Variants in PHF3 observed in about 807,000 individuals in gnomAD.
PHF3 encodes PHD finger protein 3.
PHF3 carries 41 observed loss-of-function variants against 178.4 expected under a neutral mutation model. The ratio of observed to expected loss-of-function variants is 0.23; its 90% CI spans 0.18 to 0.30. The LOEUF (loss-of-function observed/expected upper bound fraction) is 0.30. Ranked by LOEUF, PHF3 falls within the 10% of genes least tolerant of loss-of-function variation. The pLI is 1.00. For missense variants in PHF3, 2,346 were observed against 2,398.1 expected (o/e 0.98, Z 0.45); for synonymous variants, 842 against 800.5 (o/e 1.05, Z -0.88).
intron 2 of PHF3, among the ~76,000 whole-genome samples, chr6:63,650,933 C>T (rs1033715054): frequency 2.0e-5 from 3 of 151,910 alleles, no homozygotes; most frequent in Non-Finnish European, 4.4e-5. Context: ...GTTGGTGGGG[C>T]TATTTGTGCA....
chr6:63,687,684 T>A (rs2149587035), intron 4 of PHF3, among the ~76,000 whole-genome samples: 1 of 152,320 alleles, frequency 6.6e-6, no homozygotes, highest in South Asian at 2.1e-4. Context: ...GTAGATAAAG[T>A]TCCAGTCCAG....
intron 8 of PHF3, among the ~76,000 whole-genome samples, chr6:63,699,297 T>G (rs1767371195): frequency 6.6e-6 from 1 of 152,210 alleles, no homozygotes; most frequent in Admixed American, 6.5e-5. Flanking sequence ...ATGACTGATC[T>G]CTTGTGTGTG....
At chr6:63,708,508 TTAA>T (rs1295718391) in intron 13 of PHF3, among the ~76,000 whole-genome samples, 2 of 152,198 alleles carry the variant, frequency 1.3e-5, no homozygotes, top group African/African-American at 4.8e-5. Flanking sequence ...TTTAAAGTAG[TTAA>T]TAATTTAAAT....
intron 2 of PHF3, among the ~76,000 whole-genome samples, chr6:63,673,397 C>T (rs1766007821): frequency 6.6e-6 from 1 of 152,054 alleles, no homozygotes; most frequent in South Asian, 2.1e-4. Flanking sequence ...TAAACCCCAA[C>T]TCAGGATAAC....
Position 63,680,099 on chromosome 6 carries a change from G to A in PHF3, c.344G>A (p.Arg115Lys). The A allele has an allele frequency of 6.2e-7, 1 of 1,612,410 alleles. No homozygotes were observed. The highest frequency in any genetic ancestry group is 1.1e-5 in the South Asian group (1 of 90,772). The change falls in exon 3 of 16, where the codon AGG becomes AAG. Residue 115 changes from arginine to lysine, a missense_variant. Physicochemically the swap from Arg to Lys is conservative, Grantham distance 26. Transcript: ENST00000262043. ...CTGATTTTACCTAACAGGAACTTAA[G>A]GGACAAGGTAGAAGAAAATTCAGTG... ...EELILPNRNL[R>K]DKVEENSVRS...
At chr6:63,657,028 T>C (rs1582018441) in intron 2 of PHF3, among the ~76,000 whole-genome samples, 1 of 152,302 alleles carries the variant, frequency 6.6e-6, no homozygotes, top group Non-Finnish European at 1.5e-5. Context: ...CCTTTTCAAT[T>C]TGGAGTGTGT....
chr6:63,705,907 G>A (rs543590341), intron 11 of PHF3, 122 bp from the exon 12 acceptor site: 12 of 693,122 alleles, frequency 1.7e-5, no homozygotes, highest in Non-Finnish European at 2.8e-5. Flanking sequence ...TATAACCCCA[G>A]GAAATGTATG....
At chr6:63,696,121 T>C (rs1767218429) in intron 6 of PHF3, among the ~76,000 whole-genome samples, 1 of 152,162 alleles carries the variant, frequency 6.6e-6, no homozygotes, top group South Asian at 2.1e-4. Flanking sequence ...ATTTTCTGAT[T>C]TGGGATGCTC....
rs746807263 is a variant in PHF3, at chr6:63,721,763, G to A, written c.*8055G>A. The A allele has an allele frequency of 5.8e-6, 9 of 1,550,286 alleles. No homozygotes were observed. The highest frequency in any genetic ancestry group is 2.7e-5 in the African/African-American group (2 of 72,932). On this transcript the variant is annotated 3_prime_UTR_variant, in exon 16 of 16. Coordinates refer to ENST00000262043, the MANE Select transcript of PHF3 (RefSeq NM_001370348.2). The stretch of plus-strand genomic sequence containing the variant: ...CGCCAAGGTTGTAGCGAAGTTGAAC[G>A]GAACTATTTACTAAAGAGATGCATA...
At chr6:63,678,652 C>T (rs535756709) in intron 2 of PHF3, among the ~76,000 whole-genome samples, 7 of 151,666 alleles carry the variant, frequency 4.6e-5, no homozygotes, top group African/African-American at 1.7e-4. Flanking sequence ...TAACAAGGAT[C>T]ACACTGTTTT....
Position 63,723,233 on chromosome 6 carries a change from A to G in PHF3, c.*9525A>G, listed in dbSNP as rs895783444. ...ACTCAGTTTATTTGCATAATTTCTA[A>G]CATGTATAGCATTTTTAACTATAAG... On this transcript the variant is annotated 3_prime_UTR_variant, in exon 16 of 16. Transcript: ENST00000262043. 6.6e-6 allele frequency among the ~76,000 whole-genome samples: 1 copy of G among 152,332 alleles called. No homozygotes were observed. The highest frequency in any genetic ancestry group is 2.1e-4 in the South Asian group (1 of 4,826).
chr6:63,636,311 GC>G (rs1764332274), intron 1 of PHF3, among the ~76,000 whole-genome samples, 161 bp downstream of exon 1: 1 of 152,152 alleles, frequency 6.6e-6, no homozygotes, highest in Non-Finnish European at 1.5e-5. Context: ...CGGGCCTCTT[GC>G]GCAACGTCCT....
At chr6:63,698,404 A>G (rs1298259053) in intron 7 of PHF3, 37 bp downstream of exon 7, 6 of 1,588,672 alleles carry the variant, frequency 3.8e-6, no homozygotes, top group Non-Finnish European at 4.3e-6. Context: ...ATCAATAATT[A>G]TGCTTTATAC....
At chr6:63,691,610 GGATA>G in intron 4 of PHF3, 123 bp from the exon 5 acceptor site, 1 of 765,614 alleles carries the variant, frequency 1.3e-6, no homozygotes, top group Non-Finnish European at 2.2e-6. Context: ...CTTATGGAAC[GGATA>G]GAGATGGAAA....
intron 14 of PHF3, among the ~76,000 whole-genome samples, chr6:63,709,896 T>C (rs1767856060): frequency 6.6e-6 from 1 of 152,222 alleles, no homozygotes; most frequent in Admixed American, 6.5e-5. Flanking sequence ...ATTTCTCCTT[T>C]TCCTTTTTCT....
intron 2 of PHF3, among the ~76,000 whole-genome samples, chr6:63,647,935 A>G (rs1308730895): frequency 6.6e-6 from 1 of 152,110 alleles, no homozygotes; most frequent in Non-Finnish European, 1.5e-5. Context: ...TTTCTCCTGT[A>G]CAGTTTGTTC....
chr6:63,700,562 A>G (rs1561977231), intron 9 of PHF3, 96 bp downstream of exon 9: 1 of 638,282 alleles, frequency 1.6e-6, no homozygotes, highest in Non-Finnish European at 2.8e-6. Context: ...CACAGACTGC[A>G]TAATAACACA....
At position 63,684,554 on chromosome 6, in the gene PHF3, G is replaced by A; in HGVS notation, c.832G>A (p.Ala278Thr). The A allele has an allele frequency of 6.2e-7, 1 of 1,613,922 alleles. No homozygotes were observed. Among genetic ancestry groups the A allele is most frequent in the South Asian group, 1.1e-5 (1 of 91,056 alleles). ...KKNEALMECK[A>T]KPVGSPLFKF... is the part of the protein sequence containing the mutation. The stretch of plus-strand genomic sequence containing the variant: ...AAATGAAGCTTTGATGGAATGTAAA[G>A]CCAAGCCTGTTGGTAGTCCATTGTT... Residue 278 changes from alanine to threonine, a missense_variant, in exon 4 of 16, where the codon GCC (alanine) becomes ACC (threonine). Physicochemically the swap from Ala to Thr is moderately conservative, Grantham distance 58 (BLOSUM62 0). Transcript: ENST00000262043.
At chr6:63,702,346 A>G in intron 9 of PHF3, 162 bp from the exon 10 acceptor site, 1 of 423,772 alleles carries the variant, frequency 2.4e-6, no homozygotes, top group Non-Finnish European at 4.2e-6. Context: ...TCTCTGGCAT[A>G]TAAAAGTACT....
Sources: gnomAD v4.1 joint callset for allele counts (sites outside exome capture counted in the v4.1 genomes callset) on GRCh38, gnomAD v4.1.1 for gene constraint, MANE v1.5 for transcripts, NCBI Gene and HGNC (gene_info 2026-07-23, HGNC 2026-07-21) for gene names.